The following EVA1C variants were observed in gnomAD, a reference collection of about 807,000 sequenced individuals.
EVA1C encodes eva-1 homolog C, also known as protein eva-1 homolog C.
A neutral mutation model predicts 45.4 loss-of-function variants in EVA1C; 25 were observed. The ratio of observed to expected loss-of-function variants is 0.55; its 90% CI spans 0.40 to 0.77. The LOEUF (loss-of-function observed/expected upper bound fraction) is 0.77, where lower values mean the gene tolerates loss of function less well. Ranked by LOEUF, EVA1C falls within the 30% of genes least tolerant of loss-of-function variation. The pLI is 0.00. For synonymous variants in EVA1C, 190 were observed against 221.2 expected (o/e 0.86, Z 1.25); for missense variants, 479 against 554.8 (o/e 0.86, Z 1.37).
intron 3 of EVA1C, among the ~76,000 whole-genome samples, chr21:32,464,361 G>T (rs1231027188): frequency 6.6e-6 from 1 of 152,130 alleles, no homozygotes; most frequent in Non-Finnish European, 1.5e-5. Flanking sequence ...CATTCATCTT[G>T]AATGTTCCCG....
intron 7 of EVA1C, among the ~76,000 whole-genome samples, chr21:32,513,813 T>A (rs952529221): frequency 3.9e-5 from 6 of 152,118 alleles, no homozygotes; most frequent in African/African-American, 7.2e-5. Context: ...AGTGTTGGGA[T>A]TACCAGCGTG....
At chr21:32,496,098 G>A (rs575171027) in intron 5 of EVA1C, among the ~76,000 whole-genome samples, 79 of 152,152 alleles carry the variant, frequency 5.2e-4, no homozygotes, top group South Asian at 1.9e-3. Flanking sequence ...AAGAACATTC[G>A]CATCCCCCCA....
chr21:32,431,879 C>G (rs1015721552), intron 1 of EVA1C, among the ~76,000 whole-genome samples: 4 of 152,164 alleles, frequency 2.6e-5, no homozygotes, highest in African/African-American at 9.7e-5. Context: ...GAAACTAACC[C>G]TGCTACAATA....
At chr21:32,496,410 CA>C (rs2037354266) in intron 5 of EVA1C, among the ~76,000 whole-genome samples, 1 of 152,194 alleles carries the variant, frequency 6.6e-6, no homozygotes, top group South Asian at 2.1e-4. Flanking sequence ...TTGTTCTCTG[CA>C]ATATCAATGC....
At chr21:32,444,603 C>G (rs2035301257) in intron 1 of EVA1C, among the ~76,000 whole-genome samples, 1 of 152,176 alleles carries the variant, frequency 6.6e-6, no homozygotes, top group African/African-American at 2.4e-5. Flanking sequence ...TCTCCAAACC[C>G]AGTTCTTTTG....
At chr21:32,415,136 C>T (rs1181481674) in intron 1 of EVA1C, among the ~76,000 whole-genome samples, 2 of 152,252 alleles carry the variant, frequency 1.3e-5, no homozygotes, top group African/African-American at 2.4e-5. Context: ...CAAAGCTTGC[C>T]GCCTGTGTTC....
chr21:32,502,317 T>C (rs1263109204), intron 6 of EVA1C, among the ~76,000 whole-genome samples: 2 of 152,074 alleles, frequency 1.3e-5, no homozygotes, highest in African/African-American at 4.8e-5. Context: ...CAGGCTGGTC[T>C]TGAACTCCTG....
intron 4 of EVA1C, among the ~76,000 whole-genome samples, chr21:32,475,837 T>C (rs917020007): frequency 6.6e-6 from 1 of 152,158 alleles, no homozygotes; most frequent in Admixed American, 6.6e-5. Flanking sequence ...AAAGATGGCA[T>C]GAGTATGTTT....
At chr21:32,498,234 G>A (rs2037416054) in intron 5 of EVA1C, among the ~76,000 whole-genome samples, 2 of 152,110 alleles carry the variant, frequency 1.3e-5, no homozygotes, top group East Asian at 1.9e-4. Flanking sequence ...ATCATCTGAG[G>A]TCAAGAGTTC....
chr21:32,513,086 AGTT>A (rs1463113330), intron 7 of EVA1C, among the ~76,000 whole-genome samples: 6 of 149,656 alleles, frequency 4.0e-5, no homozygotes, highest in South Asian at 4.2e-4. Context: ...ATTGTAATAT[AGTT>A]GTTACTATAT....
At chr21:32,413,142 T>C (rs2033896846) in intron 1 of EVA1C, 129 bp downstream of exon 1, 1 of 764,488 alleles carries the variant, frequency 1.3e-6, no homozygotes, top group Non-Finnish European at 1.8e-6. Context: ...CACAGACACT[T>C]GTCTGGTGTG....
intron 4 of EVA1C, among the ~76,000 whole-genome samples, chr21:32,487,200 A>T (rs2036998428): frequency 6.6e-6 from 1 of 152,096 alleles, no homozygotes; most frequent in Non-Finnish European, 1.5e-5. Context: ...GCCCCTAATG[A>T]TGGGGGGCTG....
chr21:32,433,554 C>A (rs200904174), intron 1 of EVA1C, among the ~76,000 whole-genome samples: 1 of 136,038 alleles, frequency 7.4e-6, no homozygotes, highest in Non-Finnish European at 1.6e-5. Context: ...AGAAACATCG[C>A]GTTGTTGTGG....
At chr21:32,468,009 C>CGT (rs1555863880) in intron 4 of EVA1C, 161 bp downstream of exon 4, 6 of 368,550 alleles carry the variant, frequency 1.6e-5, no homozygotes, top group Non-Finnish European at 2.7e-5. Flanking sequence ...AATAAACTCC[C>CGT]GTGTGTGTGT....
intron 4 of EVA1C, among the ~76,000 whole-genome samples, chr21:32,475,340 TATCATCATCATC>T (rs61177845): frequency 5.8e-4 from 87 of 150,934 alleles, no homozygotes; most frequent in Middle Eastern, 3.4e-3. Context: ...TCTTCTAAAA[TATCATCATCATC>T]ATCATCATCA....
intron 1 of EVA1C, among the ~76,000 whole-genome samples, chr21:32,432,000 G>T (rs1368068047): frequency 6.6e-6 from 1 of 152,144 alleles, no homozygotes; most frequent in East Asian, 1.9e-4. Flanking sequence ...TTGTGTCTCT[G>T]TAGGTCCCTT....
chr21:32,485,236 A>C (rs774846791), intron 4 of EVA1C, among the ~76,000 whole-genome samples: 1 of 152,068 alleles, frequency 6.6e-6, no homozygotes, highest in African/African-American at 2.4e-5. Flanking sequence ...GCTGGAGTGC[A>C]ATGGCGCAAT....
At chr21:32,468,745 T>G (rs1601348011) in intron 4 of EVA1C, among the ~76,000 whole-genome samples, 2 of 152,342 alleles carry the variant, frequency 1.3e-5, no homozygotes, top group South Asian at 4.1e-4. Context: ...GATTAGATTG[T>G]GCCCACCAGA....
At chr21:32,502,342 CCTCGT>C (rs2037587494) in intron 6 of EVA1C, among the ~76,000 whole-genome samples, 1 of 151,982 alleles carries the variant, frequency 6.6e-6, no homozygotes. Context: ...CAGGTGTTCT[CCTCGT>C]CTCGGCCTCC....
Sources: allele counts gnomAD v4.1 joint callset (sites outside exome capture counted in the v4.1 genomes callset), GRCh38; gene constraint gnomAD v4.1.1; transcripts MANE v1.5; gene names NCBI Gene and HGNC (gene_info 2026-07-23, HGNC 2026-07-21).